The following HNRNPL variants were observed in gnomAD, a reference collection of about 807,000 sequenced individuals.
HNRNPL encodes the protein heterogeneous nuclear ribonucleoprotein L.
In HNRNPL, 12 loss-of-function variants were observed where a neutral mutation model predicts 64.0. That is an observed-to-expected ratio of 0.19 (90% CI 0.12 to 0.30). The LOEUF is 0.30. Ranked by LOEUF, HNRNPL falls within the 10% of genes least tolerant of loss-of-function variation. The pLI is 1.00. For missense variants in HNRNPL, 484 were observed against 797.4 expected, an observed-to-expected ratio of 0.61 and a Z score of 4.73; for synonymous variants, 385 against 313.0, an observed-to-expected ratio of 1.23 and a Z score of -2.43.
At position 38,847,425 on chromosome 19, in the gene HNRNPL, C is replaced by T. The variant is rs1165596887; in HGVS notation, c.277G>A (p.Asp93Asn). 4.0e-6 allele frequency: 6 copies of T among 1,511,084 alleles called. No individual in the cohort carries two copies. The highest frequency in any genetic ancestry group is 2.5e-5 in the East Asian group (1 of 40,362). The allele number at this position is 1,511,084 out of a possible 1,614,324, so 93.6% of individuals were successfully genotyped here. A position where few individuals can be genotyped will look rare whatever the true frequency, so the allele number is the denominator to read the frequency against. ...GAGGCAGGGGTTTTGTGCGGGTCAT[C>T]GTAGTTCTCCTGAGAAAGGAAGCAA... ...AGGGGGGENY[D>N]DPHKTPASPV... The change falls in exon 2 of 13, where the codon GAT becomes AAT. Residue 93 changes from aspartate (D) to asparagine (N), a missense_variant. Physicochemically the swap from Asp to Asn is conservative, Grantham distance 23 (BLOSUM62 1). Coordinates refer to ENST00000221419, the MANE Select transcript of HNRNPL (RefSeq NM_001533.3).
At position 38,849,746 on chromosome 19, in the gene HNRNPL, C is replaced by G. The variant is rs1189367779; in HGVS notation, c.221G>C (p.Gly74Ala). The G allele has an allele frequency of 7.2e-7, 1 of 1,395,002 alleles. No individual in the cohort carries two copies. The highest frequency in any genetic ancestry group is 9.3e-7 in the Non-Finnish European group (1 of 1,074,700). 86.4% of individuals were successfully genotyped at this position (1,395,002 alleles called of 1,614,324 possible). A position where few individuals can be genotyped will look rare whatever the true frequency, so the allele number is the denominator to read the frequency against. The change falls in exon 1 of 13, where the codon GGC becomes GCC. Residue 74 changes from glycine to alanine, a missense_variant. Around this residue, in one of 9 missense-constraint regions of HNRNPL, gnomAD observed 190 missense variants for 160.1 expected, o/e 1.19. Transcript: ENST00000221419. Reference protein sequence around the residue: ...DNAGDQHGGGGGGGGGAGAAG... With the variant: ...DNAGDQHGGGAGGGGGAGAAG... ...CGCCCCGGCTCCTCCACCGCCACCGCCGCCGCCTCCGTGCTGGTCGCCGGC... is the reference window on the plus strand; with the variant it reads ...CGCCCCGGCTCCTCCACCGCCACCGGCGCCGCCTCCGTGCTGGTCGCCGGC...
chr19:38,849,751 G>C lies in HNRNPL; in HGVS notation c.216C>G (p.Gly72=). 1.4e-6 allele frequency: 2 copies of C among 1,384,170 alleles called. No individual in the cohort carries two copies. Among genetic ancestry groups the C allele is most frequent in the African/African-American group, 1.5e-5 (1 of 65,176 alleles). The allele number at this position is 1,384,170 out of a possible 1,614,324, so 85.7% of individuals were successfully genotyped here. A position where few individuals can be genotyped will look rare whatever the true frequency, so the allele number is the denominator to read the frequency against. The change falls in exon 1 of 13, where the codon GGC becomes GGG. Residue 72 remains glycine (G), a synonymous_variant. Coordinates refer to ENST00000221419, the MANE Select transcript of HNRNPL (RefSeq NM_001533.3). ...CGGCTCCTCCACCGCCACCGCCGCCGCCTCCGTGCTGGTCGCCGGCGTTGT... is the reference window on the plus strand; with the variant it reads ...CGGCTCCTCCACCGCCACCGCCGCCCCCTCCGTGCTGGTCGCCGGCGTTGT... ...KTDNAGDQHG[G]GGGGGGGAGA... is the part of the protein sequence containing the mutation.
At chr19:38,836,964 T>C (rs2145403016) in intron 12 of HNRNPL, 184 bp from the exon 13 acceptor site, 1 of 564,910 alleles carries the variant, frequency 1.8e-6, no homozygotes, top group Non-Finnish European at 3.2e-6. Context: ...TCTCCTTCTC[T>C]TCCTTCATTC....
chr19:38,849,615 C>T, intron 1 of HNRNPL, 85 bp downstream of exon 1: 1 of 1,286,506 alleles, frequency 7.8e-7, no homozygotes, highest in Non-Finnish European at 9.8e-7. Flanking sequence ...TGCGCAGAGG[C>T]CCCCCTCAAA....
intron 1 of HNRNPL, chr19:38,849,492 C>T: frequency 3.2e-6 from 2 of 625,496 alleles, no homozygotes; most frequent in Admixed American, 4.4e-5. Flanking sequence ...CGCTCCCCCA[C>T]ACCCCGCTCC....
Position 38,849,680 on chromosome 19 carries a change from G to T in HNRNPL, c.267+20C>A, listed in dbSNP as rs745801885. 1 of 1,323,400 alleles carries T rather than the reference G, an allele frequency of 7.6e-7. No individual in the cohort carries two copies. Among genetic ancestry groups the T allele is most frequent in the Admixed American group, 4.0e-5 (1 of 25,276 alleles). 82.0% of individuals were successfully genotyped at this position (1,323,400 alleles called of 1,614,324 possible). A position where few individuals can be genotyped will look rare whatever the true frequency, so the allele number is the denominator to read the frequency against. ...TCCCCCAGTTCCCGGCCTTCCCAGC[G>T]CCTAGGGCCCTGGCCTCACCCCACC... On this transcript the variant is annotated intron_variant, in intron 1 of 12. Transcript: ENST00000221419.
At chr19:38,844,487 C>T (rs2145425610) in intron 4 of HNRNPL, among the ~76,000 whole-genome samples, 1 of 152,320 alleles carries the variant, frequency 6.6e-6, no homozygotes, top group Non-Finnish European at 1.5e-5. Context: ...CTGCCCCAAG[C>T]ATCGCAACGC....
rs35433653 is a variant in HNRNPL, at chr19:38,836,598, TAAAAAAAAAA to T, written c.*114_*123del. 9.5e-5 allele frequency: 13 copies of T among 136,624 alleles called. No homozygotes were observed. Among genetic ancestry groups the T allele is most frequent in the East Asian group, 3.0e-4 (2 of 6,706 alleles). The allele number at this position is 136,624 out of a possible 1,614,324, so 8.5% of individuals were successfully genotyped here. ...AGTAAGCCTCTACAAACCTAGCATT[TAAAAAAAAAA>T]AAAAAAAAAAAAAAAAGGAATACAA... On this transcript the variant is annotated 3_prime_UTR_variant, in exon 13 of 13. Coordinates refer to ENST00000221419, the MANE Select transcript of HNRNPL (RefSeq NM_001533.3).
At chr19:38,842,087 T>TC (rs1023157805) in intron 6 of HNRNPL, 1 of 150,930 alleles carries the variant, frequency 6.6e-6, no homozygotes, top group Non-Finnish European at 1.5e-5. Context: ...TTTTGATTTT[T>TC]TTTTTGTTGT....
chr19:38,836,383 G>GC lies in HNRNPL; in HGVS notation c.*338dup. On this transcript the variant is annotated 3_prime_UTR_variant, in exon 13 of 13. Transcript: ENST00000221419. ...GAAAAGCAGACATCCTGGAATCCCA[G>GC]CAAGTGCTGTGTTTATTTTCCAAAC... 2 of 206,422 alleles carry GC rather than the reference G, an allele frequency of 9.7e-6. No homozygotes were observed. Among genetic ancestry groups the GC allele is most frequent in the South Asian group, 1.5e-4 (2 of 13,386 alleles). 12.8% of individuals were successfully genotyped at this position (206,422 alleles called of 1,614,324 possible).
At chr19:38,849,549 T>G in intron 1 of HNRNPL, 151 bp downstream of exon 1, 8 of 1,091,496 alleles carry the variant, frequency 7.3e-6, no homozygotes, top group South Asian at 3.9e-5. Flanking sequence ...AACCCCGCCG[T>G]TTGCCCAACG....
upstream of HNRNPL, among the ~76,000 whole-genome samples, chr19:38,851,528 G>A (rs941106102): frequency 6.6e-6 from 1 of 152,224 alleles, no homozygotes; most frequent in African/African-American, 2.4e-5. Flanking sequence ...GAAACGCGGC[G>A]GACGCCCCAA....
intron 6 of HNRNPL, chr19:38,842,014 G>A (rs527499974): frequency 3.5e-5 from 9 of 258,138 alleles, no homozygotes; most frequent in South Asian, 2.2e-4. Context: ...CTGGTTACCC[G>A]GCAGCAGGTA....
At chr19:38,846,564 G>A (rs1972302677) in intron 2 of HNRNPL, among the ~76,000 whole-genome samples, 1 of 152,160 alleles carries the variant, frequency 6.6e-6, no homozygotes, top group South Asian at 2.1e-4. Flanking sequence ...TTGGGCCTAG[G>A]AGTTTGAGAC....
upstream of HNRNPL, chr19:38,850,412 T>C (rs757157835): frequency 4.7e-4 from 78 of 164,380 alleles, 1 homozygote; most frequent in Non-Finnish European, 1.7e-4. Flanking sequence ...CCCGCCCTTT[T>C]TTGGTCTCTC....
intron 5 of HNRNPL, 33 bp downstream of exon 5, chr19:38,843,975 G>T: frequency 6.2e-7 from 1 of 1,608,976 alleles, no homozygotes; most frequent in South Asian, 1.1e-5. Flanking sequence ...CCTGGAAGCT[G>T]ACAAGGGGCA....
chr19:38,848,177 G>C (rs1236355616), intron 1 of HNRNPL, among the ~76,000 whole-genome samples: 1 of 152,120 alleles, frequency 6.6e-6, no homozygotes, highest in Non-Finnish European at 1.5e-5. Context: ...TGCAACCTCC[G>C]CCTCCCAGGT....
At chr19:38,837,713 A>T in intron 10 of HNRNPL, 62 bp from the exon 11 acceptor site, 1 of 1,433,246 alleles carries the variant, frequency 7.0e-7, no homozygotes, top group Non-Finnish European at 9.8e-7. Flanking sequence ...ACAGGATTCA[A>T]GCAGACCAGG....
At chr19:38,839,134 G>T (rs539852555) in intron 8 of HNRNPL, 119 bp from the exon 9 acceptor site, 2 of 1,276,972 alleles carry the variant, frequency 1.6e-6, no homozygotes, top group Non-Finnish European at 2.2e-6. Context: ...ACAGTTAATC[G>T]GGACCACTAG....
Sources: gnomAD v4.1 joint callset for allele counts (sites outside exome capture counted in the v4.1 genomes callset) on GRCh38, gnomAD v4.1.1 for gene constraint, gnomAD v4.1.1 regional missense constraint, MANE v1.5 for transcripts, NCBI Gene and HGNC (gene_info 2026-07-23, HGNC 2026-07-21) for gene names.